Variants in FFAR4 observed in about 807,000 individuals in gnomAD.
FFAR4 encodes the protein free fatty acid receptor 4, also known as G-protein coupled receptor 120.
A neutral mutation model predicts 27.0 loss-of-function variants in FFAR4; 19 were observed. The ratio of observed to expected loss-of-function variants is 0.70; its 90% CI spans 0.49 to 1.03. The LOEUF is 1.03. Among genes scored for constraint, FFAR4 ranks in the 50% least tolerant of loss-of-function variants. FFAR4 has a pLI of 0.00. For missense variants in FFAR4, 476 were observed against 479.0 expected (o/e 0.99, Z 0.06); for synonymous variants, 254 against 215.6 (o/e 1.18, Z -1.56).
At chr10:93,570,186 T>G (rs1000721106) in intron 1 of FFAR4, among the ~76,000 whole-genome samples, 3 of 144,800 alleles carry the variant, frequency 2.1e-5, no homozygotes, top group Non-Finnish European at 4.5e-5. Context: ...TCTCTGTCTC[T>G]CTCACACACA....
Position 93,566,744 on chromosome 10 carries a change from A to G in FFAR4, c.24A>G (p.Ala8=), listed in dbSNP as rs1441988815. The G allele has an allele frequency of 3.7e-6, 6 of 1,601,638 alleles. 1 individual carries two copies. The South Asian group carries it at 6.6e-5, about 18-fold the overall frequency. The stretch of plus-strand genomic sequence containing the variant: ...GAATGTCCCCTGAATGCGCGCGGGC[A>G]GCGGGCGACGCGCCCTTGCGCAGCC... MSPECAR[A]AGDAPLRSLE... is the part of the protein sequence containing the mutation. Residue 8 remains alanine, a synonymous_variant, in exon 1 of 3, where the codon GCA becomes GCG. Coordinates refer to ENST00000371481, the MANE Select transcript of FFAR4 (RefSeq NM_001195755.2).
chr10:93,586,174 A>T (rs2058225786), intron 2 of FFAR4, among the ~76,000 whole-genome samples: 1 of 152,040 alleles, frequency 6.6e-6, no homozygotes, highest in Admixed American at 6.5e-5. Flanking sequence ...CACGGGAGGA[A>T]CCCGGTGGGA....
rs535299068 is a variant in FFAR4, at chr10:93,583,399, G to C, written c.697-3821G>C. On this transcript the variant is annotated intron_variant, in intron 2 of 2. Transcript: ENST00000371481. ...CCACTGCACTTCAGCCTGGGTGACA[G>C]AGCGAGACTCCGCTTCAAAAAAAAA... Among the ~76,000 whole-genome samples the C allele has an allele frequency of 4.7e-5, 7 of 149,148 alleles. No homozygotes were observed. In the South Asian group the frequency reaches 1.5e-3, roughly 32 times the overall value.
chr10:93,582,848 G>C (rs888951410), intron 2 of FFAR4, among the ~76,000 whole-genome samples: 1 of 152,158 alleles, frequency 6.6e-6, no homozygotes, highest in Admixed American at 6.5e-5. Context: ...AATCATGGCA[G>C]AAGGAGAAGC....
intron 1 of FFAR4, among the ~76,000 whole-genome samples, chr10:93,568,890 C>T (rs537730071): frequency 6.6e-6 from 1 of 152,282 alleles, no homozygotes; most frequent in South Asian, 2.1e-4. Flanking sequence ...AAATAACATG[C>T]AAGCTTGTGG....
chr10:93,587,697 C>A lies in FFAR4; in HGVS notation c.*88C>A, dbSNP rs1330530138. 1.0e-5 allele frequency: 13 copies of A among 1,292,356 alleles called. No homozygotes were observed. The East Asian group carries it at 2.5e-4, about 25-fold the overall frequency. 80.1% of individuals were successfully genotyped at this position (1,292,356 alleles called of 1,614,324 possible). On this transcript the variant is annotated 3_prime_UTR_variant, in exon 3 of 3. Transcript: ENST00000371481. Reference sequence around the variant, plus strand: ...ATTTCCAGTACCCTCCATCAGTGCACCCTGCTTTAAGAAAATGAACCTATG... The same window carrying A: ...ATTTCCAGTACCCTCCATCAGTGCAACCTGCTTTAAGAAAATGAACCTATG...
At position 93,567,224 on chromosome 10, in the gene FFAR4, C is replaced by A. The variant is rs745774840; in HGVS notation, c.504C>A (p.Val168=). The change falls in exon 1 of 3, where the codon GTC becomes GTA. Residue 168 remains valine (V), a synonymous_variant. Coordinates refer to ENST00000371481, the MANE Select transcript of FFAR4 (RefSeq NM_001195755.2). ...CGCTCATCTGGGGCTATTCGGCGGT[C>A]GCCGCTCTGCCTCTCTGCGTCTTCT... The part of the protein sequence containing the change: ...LLALIWGYSA[V]AALPLCVFFR... The A allele has an allele frequency of 1.6e-5, 26 of 1,601,452 alleles. No homozygotes were observed. Among genetic ancestry groups the A allele is most frequent in the Non-Finnish European group, 2.2e-5 (26 of 1,179,532 alleles).
At chr10:93,574,427 C>T (rs2058150504) in intron 1 of FFAR4, among the ~76,000 whole-genome samples, 1 of 152,140 alleles carries the variant, frequency 6.6e-6, no homozygotes, top group African/African-American at 2.4e-5. Context: ...GGGCTGGAAT[C>T]CATTTCTTCC....
chr10:93,571,411 C>T (rs1177143156), intron 1 of FFAR4, among the ~76,000 whole-genome samples: 1 of 152,226 alleles, frequency 6.6e-6, no homozygotes, highest in Non-Finnish European at 1.5e-5. Flanking sequence ...ATTTGGTCCT[C>T]ACAGTCACCC....
At chr10:93,585,295 T>C (rs760551330) in intron 2 of FFAR4, among the ~76,000 whole-genome samples, 11 of 152,180 alleles carry the variant, frequency 7.2e-5, no homozygotes, top group Non-Finnish European at 1.5e-4. Context: ...GAATTTATTC[T>C]ACTGACATGC....
Position 93,566,908 on chromosome 10 carries a change from T to A in FFAR4, c.188T>A (p.Val63Glu). The A allele has an allele frequency of 6.2e-7, 1 of 1,608,798 alleles. No homozygotes were observed. Among genetic ancestry groups the A allele is most frequent in the Non-Finnish European group, 8.5e-7 (1 of 1,178,650 alleles). The change falls in exon 1 of 3, where the codon GTG becomes GAG. Residue 63 changes from valine (V) to glutamate (E), a missense_variant. Physicochemically the swap from Val to Glu is moderately radical, Grantham distance 121. Transcript: ENST00000371481. ...VSLLGNVCAL[V>E]LVARRRRRGA... ...CTGCTGGGCAACGTGTGCGCCCTGG[T>A]GCTGGTGGCGCGCCGACGACGCCGC...
At position 93,568,919 on chromosome 10, in the gene FFAR4, G is replaced by C. The variant is rs1002380202; in HGVS notation, c.567+1632G>C. Among the ~76,000 whole-genome samples, 13 of 152,230 alleles carry C rather than the reference G, an allele frequency of 8.5e-5. No individual in the cohort carries two copies. The South Asian group carries it at 1.7e-3, about 19-fold the overall frequency. The stretch of plus-strand genomic sequence containing the variant: ...CTTGTGGCCATGTCCACTCAAGTGG[G>C]GCCCAGAGAAGCCAGGATTAGCTGA... On this transcript the variant is annotated intron_variant, in intron 1 of 2. Transcript: ENST00000371481.
intron 1 of FFAR4, among the ~76,000 whole-genome samples, chr10:93,575,580 C>T (rs2058159103): frequency 6.6e-6 from 1 of 152,220 alleles, no homozygotes; most frequent in Non-Finnish European, 1.5e-5. Flanking sequence ...ACCTGAGCAC[C>T]CCCAGCATGA....
At position 93,587,795 on chromosome 10, in the gene FFAR4, G is replaced by T. The variant is rs1381389817; in HGVS notation, c.*186G>T. On this transcript the variant is annotated 3_prime_UTR_variant, in exon 3 of 3. Coordinates refer to ENST00000371481, the MANE Select transcript of FFAR4 (RefSeq NM_001195755.2). ...TTCATAATATTTTCCCTTTATAAAA[G>T]GATTTGTTGGCCAGGTGCAGTGGTT... The T allele has an allele frequency of 3.3e-6, 2 of 601,506 alleles. No individual in the cohort carries two copies. The highest frequency in any genetic ancestry group is 1.9e-5 in the African/African-American group (1 of 53,722). The allele number at this position is 601,506 out of a possible 1,614,324, so 37.3% of individuals were successfully genotyped here.
At chr10:93,586,537 TA>T (rs1308159280) in intron 2 of FFAR4, among the ~76,000 whole-genome samples, 26 of 152,018 alleles carry the variant, frequency 1.7e-4, no homozygotes, top group African/African-American at 6.0e-4. Context: ...GCCAAAGAAA[TA>T]AAATACTCCT....
At position 93,583,515 on chromosome 10, in the gene FFAR4, C is replaced by T. The variant is rs78870098; in HGVS notation, c.697-3705C>T. Reference sequence around the variant, plus strand: ...AAACAAAATGCTGCAAGATGCCAAGCGGGAGATGAACCAGGAATCCTTCTC... The same window carrying T: ...AAACAAAATGCTGCAAGATGCCAAGTGGGAGATGAACCAGGAATCCTTCTC... On this transcript the variant is annotated intron_variant, in intron 2 of 2. Transcript: ENST00000371481. 7.6e-3 allele frequency among the ~76,000 whole-genome samples: 1,158 copies of T among 152,038 alleles called. 11 individuals are homozygous for T. Among genetic ancestry groups the T allele is most frequent in the African/African-American group, 0.027 (1,112 of 41,468 alleles).
In FFAR4 at chr10:93,567,276, G is replaced by T; in HGVS notation, c.556G>T (p.Gly186Cys). The T allele has an allele frequency of 6.3e-7, 1 of 1,598,818 alleles. No homozygotes were observed. Among genetic ancestry groups the T allele is most frequent in the Non-Finnish European group, 8.5e-7 (1 of 1,179,432 alleles). Residue 186 changes from glycine (G) to cysteine (C), a missense_variant, in exon 1 of 3, where the codon GGC becomes TGC. By Grantham distance (159) the Gly-to-Cys change is radical. Coordinates refer to ENST00000371481, the MANE Select transcript of FFAR4 (RefSeq NM_001195755.2). The part of the protein sequence containing the change: ...FFRVVPQRLP[G>C]ADQEISICTL... ...CCGAGTCGTCCCGCAACGGCTCCCCGGCGCCGACCAGGTGAGCGCCCCTCT... is the reference window on the plus strand; with the variant it reads ...CCGAGTCGTCCCGCAACGGCTCCCCTGCGCCGACCAGGTGAGCGCCCCTCT...
At chr10:93,574,786 C>T (rs1268802597) in intron 1 of FFAR4, among the ~76,000 whole-genome samples, 3 of 151,938 alleles carry the variant, frequency 2.0e-5, no homozygotes, top group Admixed American at 6.6e-5. Flanking sequence ...CCCAGCTACT[C>T]GGGAGGCTGA....
chr10:93,575,144 C>A (rs775747052), intron 1 of FFAR4, among the ~76,000 whole-genome samples: 5 of 152,174 alleles, frequency 3.3e-5, no homozygotes, highest in Non-Finnish European at 7.3e-5. Context: ...AAATCAATAA[C>A]GTGGTCTTTT....
Sources: allele counts gnomAD v4.1 joint callset (sites outside exome capture counted in the v4.1 genomes callset), GRCh38; gene constraint gnomAD v4.1.1; transcripts MANE v1.5; gene names NCBI Gene and HGNC (gene_info 2026-07-23, HGNC 2026-07-21).